Variants in ARHGAP6 observed in about 807,000 individuals in gnomAD.
ARHGAP6 encodes the protein rho GTPase-activating protein 6.
In ARHGAP6, 16 loss-of-function variants were observed where a neutral mutation model predicts 55.7. The ratio of observed to expected loss-of-function variants is 0.29; its 90% CI spans 0.19 to 0.44. The LOEUF (loss-of-function observed/expected upper bound fraction) is 0.44, where lower values mean the gene tolerates loss of function less well. Among genes scored for constraint, ARHGAP6 ranks in the 20% least tolerant of loss-of-function variants. The probability of loss-of-function intolerance (pLI) is 1.00; values close to 1 mark genes in which losing one functional copy is unlikely to be tolerated. For missense variants in ARHGAP6, 698 were observed against 808.9 expected (o/e 0.86, Z 1.66); for synonymous variants, 382 against 360.9 (o/e 1.06, Z -0.66).
At chrX:11,548,678 A>AAG (rs2051236816) in intron 1 of ARHGAP6, among the ~76,000 whole-genome samples, 1 of 110,781 alleles carries the variant, frequency 9.0e-6, no homozygotes, top group Non-Finnish European at 1.9e-5. Flanking sequence ...ACGTGATCTC[A>AAG]GCTCACTGCA....
chrX:11,516,853 CCTT>C (rs1319260810), intron 1 of ARHGAP6, among the ~76,000 whole-genome samples: 1 of 111,829 alleles, frequency 8.9e-6, no homozygotes, highest in African/African-American at 3.2e-5. Flanking sequence ...ACTCCAGCCT[CCTT>C]CTCTGTCATC....
intron 1 of ARHGAP6, among the ~76,000 whole-genome samples, chrX:11,654,750 C>T (rs181513127): frequency 2.2e-3 from 246 of 111,784 alleles, no homozygotes; most frequent in African/African-American, 7.2e-3. Context: ...CTCCCAGAGC[C>T]GTTACTACCT....
At chrX:11,491,187 A>C (rs1180439076) in intron 1 of ARHGAP6, among the ~76,000 whole-genome samples, 1 of 112,060 alleles carries the variant, frequency 8.9e-6, no homozygotes, top group East Asian at 2.8e-4. Flanking sequence ...AAACAGAACA[A>C]ATCAAAAATT....
intron 10 of ARHGAP6, chrX:11,144,994 CAG>C (rs2045670340): frequency 4.5e-5 from 5 of 112,090 alleles, no homozygotes; most frequent in Admixed American, 3.8e-4. Context: ...GTCACAGAAA[CAG>C]AAATAACAGT....
chrX:11,330,983 A>G (rs768217030), intron 1 of ARHGAP6, among the ~76,000 whole-genome samples: 28 of 111,959 alleles, frequency 2.5e-4, no homozygotes, highest in African/African-American at 8.8e-4. Flanking sequence ...TTCAGAAGCA[A>G]AAGTTTCTCC....
intron 1 of ARHGAP6, among the ~76,000 whole-genome samples, chrX:11,380,444 G>A (rs1244592617): frequency 4.5e-5 from 5 of 111,851 alleles, no homozygotes; most frequent in African/African-American, 6.5e-5. Context: ...ATGCGACAAC[G>A]GAACACTGAA....
chrX:11,635,568 T>C (rs143475931), intron 1 of ARHGAP6, among the ~76,000 whole-genome samples: 1 of 111,874 alleles, frequency 8.9e-6, no homozygotes, highest in Non-Finnish European at 1.9e-5. Flanking sequence ...TGGTTGTTGT[T>C]AAAATGTCTA....
intron 1 of ARHGAP6, among the ~76,000 whole-genome samples, chrX:11,653,003 G>A (rs2052603045): frequency 8.9e-6 from 1 of 111,907 alleles, no homozygotes; most frequent in Admixed American, 9.5e-5. Flanking sequence ...TAGTGCTGCT[G>A]CGTTTTTACC....
intron 2 of ARHGAP6, among the ~76,000 whole-genome samples, chrX:11,236,887 G>A (rs995687253): frequency 1.8e-5 from 2 of 112,424 alleles, no homozygotes; most frequent in African/African-American, 6.5e-5. Flanking sequence ...GGAGAAGCTG[G>A]AAGTCCTTCT....
intron 1 of ARHGAP6, among the ~76,000 whole-genome samples, chrX:11,259,259 G>A (rs1385461081): frequency 9.0e-6 from 1 of 111,657 alleles, no homozygotes; most frequent in Non-Finnish European, 1.9e-5. Flanking sequence ...TCTGTGCCTG[G>A]CTTACTTCAC....
intron 1 of ARHGAP6, among the ~76,000 whole-genome samples, chrX:11,276,591 G>C (rs2047769627): frequency 8.9e-6 from 1 of 111,969 alleles, no homozygotes; most frequent in Non-Finnish European, 1.9e-5. Flanking sequence ...ATTGAAAAGG[G>C]AGAAACCAAC....
intron 3 of ARHGAP6, among the ~76,000 whole-genome samples, chrX:11,193,574 A>AT (rs2147355586): frequency 8.9e-6 from 1 of 112,053 alleles, no homozygotes; most frequent in South Asian, 3.7e-4. Context: ...GCTACTTAAA[A>AT]TTTTTTTGTT....
At chrX:11,641,008 T>C (rs2052469092) in intron 1 of ARHGAP6, among the ~76,000 whole-genome samples, 2 of 111,211 alleles carry the variant, frequency 1.8e-5, no homozygotes, top group Non-Finnish European at 3.8e-5. Context: ...GACAGGGGCA[T>C]GGGTGTTTAA....
chrX:11,599,359 G>GCACA (rs1308220544), intron 1 of ARHGAP6, among the ~76,000 whole-genome samples: 1 of 111,344 alleles, frequency 9.0e-6, no homozygotes, highest in African/African-American at 3.3e-5. Context: ...CATTTATGGG[G>GCACA]CACAATGTGA....
intron 1 of ARHGAP6, among the ~76,000 whole-genome samples, chrX:11,523,794 G>T (rs1238609876): frequency 9.0e-6 from 1 of 111,156 alleles, no homozygotes; most frequent in East Asian, 2.8e-4. Context: ...GAGGGGGAGG[G>T]TGTGGAAAGG....
chrX:11,203,069 C>T (rs2046655397), intron 2 of ARHGAP6, among the ~76,000 whole-genome samples: 1 of 110,607 alleles, frequency 9.0e-6, no homozygotes, highest in Admixed American at 9.7e-5. Flanking sequence ...ATTCATAAAG[C>T]ACTTGGAACA....
At chrX:11,408,194 T>G (rs1438243015) in intron 1 of ARHGAP6, among the ~76,000 whole-genome samples, 1 of 111,089 alleles carries the variant, frequency 9.0e-6, no homozygotes, top group African/African-American at 3.3e-5. Flanking sequence ...TCAGCCTGGT[T>G]AGTCTGTCAA....
chrX:11,256,527 T>TA lies in ARHGAP6; in HGVS notation c.589-1821_589-1820insT, dbSNP rs777884305. Among the ~76,000 whole-genome samples, 19 of 111,942 alleles carry TA rather than the reference T, an allele frequency of 1.7e-4. No individual in the cohort carries two copies. The East Asian group carries it at 5.1e-3, about 30-fold the overall frequency. On this transcript the variant is annotated intron_variant, in intron 1 of 12. Transcript: ENST00000337414. The stretch of plus-strand genomic sequence containing the variant: ...GTATTCATTCCAAAAGTGAATGGCA[T>TA]GATGTTAATTCTTTGATATTTTCCC...
At chrX:11,179,209 G>C (rs1233688114) in intron 7 of ARHGAP6, 93 bp downstream of exon 7, 2 of 908,484 alleles carry the variant, frequency 2.2e-6, no homozygotes, top group Non-Finnish European at 2.9e-6. Context: ...AGGACAAAAA[G>C]TTATCAGGAA....
Sources: gnomAD v4.1 joint callset for allele counts (sites outside exome capture counted in the v4.1 genomes callset) on GRCh38, gnomAD v4.1.1 for gene constraint, MANE v1.5 for transcripts, NCBI Gene and HGNC (gene_info 2026-07-23, HGNC 2026-07-21) for gene names.